The following SREBF1 variants were observed in gnomAD, a reference collection of about 807,000 sequenced individuals.
The protein encoded by SREBF1 is sterol regulatory element binding transcription factor 1.
SREBF1 carries 45 observed loss-of-function variants against 100.1 expected under a neutral mutation model. The observed-to-expected ratio is 0.45, with a 90% CI of 0.35 to 0.58. The LOEUF is 0.58. Among genes scored for constraint, SREBF1 ranks in the 20% least tolerant of loss-of-function variants. The pLI is 0.00. For synonymous variants in SREBF1, 657 were observed against 681.8 expected, an observed-to-expected ratio of 0.96 and a Z score of 0.57; for missense variants, 1,324 against 1,539.4, an observed-to-expected ratio of 0.86 and a Z score of 2.34.
chr17:17,823,816 G>A (rs1254775358), intron 1 of SREBF1, among the ~76,000 whole-genome samples: 1 of 151,470 alleles, frequency 6.6e-6, no homozygotes, highest in Non-Finnish European at 1.5e-5. Context: ...CCCGGCCCCC[G>A]CCCCACCTCC....
rs55879728 is a variant in SREBF1, at chr17:17,820,169, G to C, written c.444C>G (p.Ser148Arg). 6.2e-7 allele frequency: 1 copy of C among 1,613,354 alleles called. No individual in the cohort carries two copies. Among genetic ancestry groups the C allele is most frequent in the Non-Finnish European group, 8.5e-7 (1 of 1,179,752 alleles). ...QPLPGALLPQ[S>R]FPAPAPPQFS... ...ACTGCGGTGGGGCTGGGGCTGGGAA[G>C]CTCTGTGGCAGGAGGGCCCCTGGCA... Residue 148 changes from serine to arginine, a missense_variant, in exon 2 of 19, where the codon AGC (serine) becomes AGG (arginine). Physicochemically the swap from Ser to Arg is moderately radical, Grantham distance 110. Transcript: ENST00000261646.
rs756959735 is a variant in SREBF1 at position 17,836,790 on chromosome 17, C to T, written c.28G>A (p.Ala10Thr). ...GGCTCGCCCAGCGCCTGCTCCAAAG[C>T]CGCCTCGCTGAAGGGTGGCTCGTCC... MDEPPFSEA[A>T]LEQALGEPCD... is the part of the protein sequence containing the mutation. Residue 10 changes from alanine (A) to threonine (T), a missense_variant, in exon 1 of 19, where the codon GCT (alanine) becomes ACT (threonine). Physicochemically the swap from Ala to Thr is moderately conservative, Grantham distance 58. Transcript: ENST00000261646. 2 of 1,554,800 alleles carry T rather than the reference C, an allele frequency of 1.3e-6. No individual in the cohort carries two copies. The highest frequency in any genetic ancestry group is 1.7e-6 in the Non-Finnish European group (2 of 1,157,862).
intron 1 of SREBF1, among the ~76,000 whole-genome samples, chr17:17,829,205 A>AAAAAAAAAAAATATATATATAT (rs1210718799): frequency 3.0e-5 from 2 of 65,848 alleles, no homozygotes. Flanking sequence ...AAAAAAAAAA[A>AAAAAAAAAAAATATATATATAT]ATATATATAT....
rs760490549 is a variant in SREBF1, at chr17:17,815,869, C to T, written c.2374G>A (p.Gly792Arg). The change falls in exon 12 of 19, where the codon GGG (glycine) becomes AGG (arginine). Residue 792 changes from glycine (G) to arginine (R), a missense_variant. Coordinates refer to ENST00000261646, the MANE Select transcript of SREBF1 (RefSeq NM_004176.5). ...AGGGGTAAGAGAGCACCTGGGTTCC[C>T]GGCCAAGCTGTACAGGCTCTCCCAT... ...TPWESLYSLA[G>R]NPVDPLAQVT... 11 of 1,612,552 alleles carry T rather than the reference C, an allele frequency of 6.8e-6. No homozygotes were observed. Among genetic ancestry groups the T allele is most frequent in the South Asian group, 2.2e-5 (2 of 90,998 alleles).
rs2033934310 is a variant in SREBF1, at chr17:17,819,629, C to T, written c.620G>A (p.Ser207Asn). The T allele has an allele frequency of 1.9e-6, 3 of 1,613,110 alleles. No homozygotes were observed. Among genetic ancestry groups the T allele is most frequent in the Admixed American group, 1.7e-5 (1 of 59,978 alleles). ...TGTCAGTAGCTGCTGGGGGACCACA[C>T]TCTGGACCTGGGTGTGCAAGGAGAC... Reference protein sequence around the residue: ...PPVSLHTQVQSVVPQQLLTVT... With the variant: ...PPVSLHTQVQNVVPQQLLTVT... Residue 207 changes from serine (S) to asparagine (N), a missense_variant, in exon 3 of 19, where the codon AGT becomes AAT. Ser to Asn is a conservative substitution (Grantham distance 46, BLOSUM62 1). Transcript: ENST00000261646.
chr17:17,811,657 T>TGAGA lies in SREBF1; in HGVS notation c.*961_*964dup, dbSNP rs749018960. 95 of 448,770 alleles carry TGAGA rather than the reference T, an allele frequency of 2.1e-4. No homozygotes were observed. The highest frequency in any genetic ancestry group is 3.6e-4 in the Non-Finnish European group (81 of 224,274). 27.8% of individuals were successfully genotyped at this position (448,770 alleles called of 1,614,324 possible). A position where few individuals can be genotyped will look rare whatever the true frequency, so the allele number is the denominator to read the frequency against. On this transcript the variant is annotated 3_prime_UTR_variant, in exon 19 of 19. Coordinates refer to ENST00000261646, the MANE Select transcript of SREBF1 (RefSeq NM_004176.5). ...CGGGAGGGAGGAGGCTTCTTTGCTG[T>TGAGA]GAGATGACCAGGGGCCGGGATGGGG...
rs2297508 is a variant in SREBF1, at chr17:17,812,003, C to G, written c.*619G>C. 0.54 allele frequency: 237,710 copies of G among 437,516 alleles called. 68,804 individuals carry two copies. The highest frequency in any genetic ancestry group is 0.63 in the Non-Finnish European group (139,638 of 221,352). 27.1% of individuals were successfully genotyped at this position (437,516 alleles called of 1,614,324 possible). On this transcript the variant is annotated 3_prime_UTR_variant, in exon 19 of 19. Coordinates refer to ENST00000261646, the MANE Select transcript of SREBF1 (RefSeq NM_004176.5). Reference sequence around the variant, plus strand: ...GGCCGGAGGGGGAGGGGAAGCCTTTCCCTAGGTGCTGGGGGAGGGCCCAAG... The same window carrying G: ...GGCCGGAGGGGGAGGGGAAGCCTTTGCCTAGGTGCTGGGGGAGGGCCCAAG...
rs750856545 is a variant in SREBF1, at chr17:17,819,592, G to T, written c.657C>A (p.Ala219=). ...TGGTCGTTACAGGGGCTGCCGTGGG[G>T]GCAGCTGTGACTGTCAGTAGCTGCT... The part of the protein sequence containing the change: ...VPQQLLTVTA[A]PTAAPVTTTV... Residue 219 remains alanine (A), a synonymous_variant, in exon 3 of 19, where the codon GCC becomes GCA. Transcript: ENST00000261646. 48 of 1,613,684 alleles carry T rather than the reference G, an allele frequency of 3.0e-5. 1 individual carries two copies. The Middle Eastern group carries it at 6.6e-4, about 22-fold the overall frequency.
chr17:17,834,193 G>A (rs2035086594), intron 1 of SREBF1, among the ~76,000 whole-genome samples: 1 of 152,278 alleles, frequency 6.6e-6, no homozygotes, highest in East Asian at 1.9e-4. Context: ...CCAGGCTCAA[G>A]CAATCCTCCC....
intron 12 of SREBF1, 192 bp downstream of exon 12, chr17:17,815,668 T>C (rs1178923236): frequency 4.7e-6 from 3 of 640,284 alleles, no homozygotes; most frequent in Non-Finnish European, 5.5e-6. Flanking sequence ...AATCCCTGCA[T>C]GTGCTTCTGA....
rs116762843 is a variant in SREBF1 at position 17,816,941 on chromosome 17, C to G, written c.1785+17G>C. ...GGGGTCCCTGCCCTGCCCACTCTGC[C>G]GGGGCCAGCCCCTTACCCGGGCCAG... On this transcript the variant is annotated intron_variant, in intron 9 of 18. Coordinates refer to ENST00000261646, the MANE Select transcript of SREBF1 (RefSeq NM_004176.5). The G allele has an allele frequency of 2.5e-6, 4 of 1,612,676 alleles. No individual in the cohort carries two copies. The East Asian group carries it at 6.7e-5, about 27-fold the overall frequency.
chr17:17,814,908 C>G lies in SREBF1; in HGVS notation c.2529G>C (p.Leu843=), dbSNP rs1220654344. 1.0e-5 allele frequency: 16 copies of G among 1,577,936 alleles called. No homozygotes were observed. The highest frequency in any genetic ancestry group is 1.4e-5 in the Non-Finnish European group (16 of 1,162,356). The change falls in exon 14 of 19, where the codon CTG becomes CTC. Residue 843 remains leucine (L), a synonymous_variant. Transcript: ENST00000261646. ...CCCCCGCAGCATCAGAACAGCTGTT[C>G]AGCAGCTGCAGGTACCCGAGGGCAT... The part of the protein sequence containing the change: ...FSDALGYLQL[L]NSCSDAAGAP...
At position 17,834,199 on chromosome 17, in the gene SREBF1, C is replaced by T. The variant is rs147049885; in HGVS notation, c.91+2528G>A. Among the ~76,000 whole-genome samples the T allele has an allele frequency of 3.3e-5, 5 of 152,290 alleles. No individual in the cohort carries two copies. In the East Asian group the frequency reaches 9.6e-4, roughly 29 times the overall value. ...CCTCTAAGTCCAGGCTCAAGCAATC[C>T]TCCCACTTCAGCCTCCAGAGTAGCT... On this transcript the variant is annotated intron_variant, in intron 1 of 18. Coordinates refer to ENST00000261646, the MANE Select transcript of SREBF1 (RefSeq NM_004176.5).
intron 1 of SREBF1, among the ~76,000 whole-genome samples, chr17:17,825,603 C>CTTT (rs60178339): frequency 2.8e-4 from 26 of 92,526 alleles, no homozygotes; most frequent in Admixed American, 4.6e-4. Flanking sequence ...TGGCCAATTT[C>CTTT]TTTTTTTTTT....
chr17:17,819,764 C>T (rs1236268678), intron 2 of SREBF1, 39 bp from the exon 3 acceptor site: 1 of 1,546,304 alleles, frequency 6.5e-7, no homozygotes, highest in Non-Finnish European at 8.7e-7. Context: ...CACAGACCTC[C>T]CTCTCCCACT....
At chr17:17,813,302 A>C in intron 18 of SREBF1, 66 bp downstream of exon 18, 2 of 1,464,150 alleles carry the variant, frequency 1.4e-6, no homozygotes, top group South Asian at 1.2e-5. Flanking sequence ...CCTTGGTATC[A>C]CATCCCATGT....
chr17:17,814,599 C>G lies in SREBF1; in HGVS notation c.2735+16G>C, dbSNP rs1452691112. The G allele has an allele frequency of 1.3e-6, 2 of 1,538,650 alleles. No individual in the cohort carries two copies. Among genetic ancestry groups the G allele is most frequent in the Non-Finnish European group, 1.7e-6 (2 of 1,147,106 alleles). ...TGAGCCCGGGACCAGGCAGGAGGAACCTGCCGTGCACTCACTCAGACTCCT... is the reference window on the plus strand; with the variant it reads ...TGAGCCCGGGACCAGGCAGGAGGAAGCTGCCGTGCACTCACTCAGACTCCT... On this transcript the variant is annotated intron_variant, in intron 15 of 18. Coordinates refer to ENST00000261646, the MANE Select transcript of SREBF1 (RefSeq NM_004176.5).
chr17:17,819,331 C>T lies in SREBF1; in HGVS notation c.835G>A (p.Gly279Arg), dbSNP rs116014387. The T allele has an allele frequency of 9.2e-5, 148 of 1,613,836 alleles. No homozygotes were observed. The highest frequency in any genetic ancestry group is 1.2e-4 in the Non-Finnish European group (143 of 1,180,050). ...CCCACGTCACCCACCGGCAAAGGCC[C>T]TGTCTGCACAGTGGTGCCAGAGACC... Reference protein sequence around the residue: ...PLVSGTTVQTGPLPTLVSGGT... With the variant: ...PLVSGTTVQTRPLPTLVSGGT... Residue 279 changes from glycine (G) to arginine (R), a missense_variant, in exon 4 of 19, where the codon GGG (glycine) becomes AGG (arginine). Transcript: ENST00000261646.
Position 17,817,726 on chromosome 17 carries a change from C to T in SREBF1, c.1374G>A (p.Glu458=), listed in dbSNP as rs747091340. Residue 458 remains glutamate (E), a synonymous_variant, in exon 7 of 19, where the codon GAG becomes GAA. Coordinates refer to ENST00000261646, the MANE Select transcript of SREBF1 (RefSeq NM_004176.5). The surrounding 1 kb of genome is among the most constrained non-coding windows in gnomAD (Gnocchi z 6.6). The stretch of plus-strand genomic sequence containing the variant: ...TGTCCTCAAAGACTGGGCTGTCAGG[C>T]TCCGAGTCACTGCCACTGCCACCGC... ...SGSGGSGSDS[E]PDSPVFEDSK... is the part of the protein sequence containing the mutation. 1.9e-6 allele frequency: 3 copies of T among 1,613,298 alleles called. No homozygotes were observed. The highest frequency in any genetic ancestry group is 1.7e-5 in the Admixed American group (1 of 59,998).
Sources: allele counts gnomAD v4.1 joint callset (sites outside exome capture counted in the v4.1 genomes callset), GRCh38; gene constraint gnomAD v4.1.1; non-coding constraint Gnocchi (gnomAD v3.1); transcripts MANE v1.5; gene names NCBI Gene and HGNC (gene_info 2026-07-23, HGNC 2026-07-21).